ANKS1B: variants seen among roughly 807,000 people sequenced by gnomAD.
ANKS1B encodes the protein ankyrin repeat and sterile alpha motif domain-containing protein 1B.
ANKS1B carries 36 observed loss-of-function variants against 148.3 expected under a neutral mutation model. That is an observed-to-expected ratio of 0.24 (90% CI 0.19 to 0.32). ANKS1B has a LOEUF of 0.32. ANKS1B is among the 10% of genes least tolerant of loss of function. ANKS1B has a pLI of 1.00. For missense variants in ANKS1B, 1,157 were observed against 1,542.6 expected, an observed-to-expected ratio of 0.75 and a Z score of 4.19; for synonymous variants, 542 against 560.8, an observed-to-expected ratio of 0.97 and a Z score of 0.47.
rs185422297 is a variant in ANKS1B, at chr12:99,170,865, G to C, written c.2420-16470C>G. On this transcript the variant is annotated intron_variant, in intron 14 of 26. Transcript: ENST00000683438. ...GAGAAAAAGCAATGTGGGGCCAAGAGTGGCAAAGACAGGATGATTCTTATT... is the reference window on the plus strand; with the variant it reads ...GAGAAAAAGCAATGTGGGGCCAAGACTGGCAAAGACAGGATGATTCTTATT... 1.4e-3 allele frequency among the ~76,000 whole-genome samples: 214 copies of C among 152,292 alleles called. 2 individuals carry two copies. Among genetic ancestry groups the C allele is most frequent in the African/African-American group, 5.0e-3 (208 of 41,568 alleles).
At chr12:99,885,714 T>C (rs761913402) in intron 1 of ANKS1B, among the ~76,000 whole-genome samples, 1 of 152,096 alleles carries the variant, frequency 6.6e-6, no homozygotes, top group African/African-American at 2.4e-5. Context: ...GCAGTGTCCA[T>C]TGTATCCAGT....
intron 9 of ANKS1B, among the ~76,000 whole-genome samples, chr12:99,586,629 A>G (rs188602347): frequency 3.9e-4 from 59 of 152,172 alleles, no homozygotes; most frequent in African/African-American, 1.4e-3. Context: ...AATTTACTGT[A>G]TTAGTCTGTT....
chr12:98,815,410 T>C (rs1480761596), intron 19 of ANKS1B, among the ~76,000 whole-genome samples: 1 of 152,192 alleles, frequency 6.6e-6, no homozygotes, highest in Non-Finnish European at 1.5e-5. Flanking sequence ...CTTCCTGTTA[T>C]CTGAGCATCC....
chr12:99,734,558 T>G (rs1408568188), intron 8 of ANKS1B, among the ~76,000 whole-genome samples: 1 of 152,124 alleles, frequency 6.6e-6, no homozygotes, highest in African/African-American at 2.4e-5. Context: ...CCTCCCAAAG[T>G]GCTGGGATTA....
chr12:98,930,097 T>C (rs2099812423), intron 17 of ANKS1B, among the ~76,000 whole-genome samples: 1 of 152,064 alleles, frequency 6.6e-6, no homozygotes, highest in African/African-American at 2.4e-5. Flanking sequence ...CAATAAAAGA[T>C]AAGTGACCCA....
rs560925002 is a variant in ANKS1B at position 98,805,294 on chromosome 12, G to A, written c.3141+2550C>T. Among the ~76,000 whole-genome samples, 5 of 108,408 alleles carry A rather than the reference G, an allele frequency of 4.6e-5. No homozygotes were observed. In the East Asian group the frequency reaches 1.3e-3, roughly 29 times the overall value. The allele number at this position is 108,408 out of a possible 152,430, so 71.1% of individuals were successfully genotyped here. The stretch of plus-strand genomic sequence containing the variant: ...TGGTATTTATTATTATTTTTTATAT[G>A]TATGCTTAAGGCCTTTTTTTTTATT... On this transcript the variant is annotated intron_variant, in intron 20 of 26. Transcript: ENST00000683438.
At chr12:99,568,764 C>T (rs1417188316) in intron 9 of ANKS1B, among the ~76,000 whole-genome samples, 1 of 152,084 alleles carries the variant, frequency 6.6e-6, no homozygotes, top group Non-Finnish European at 1.5e-5. Context: ...TTTATCCTTG[C>T]AATTGTCAAA....
intron 17 of ANKS1B, among the ~76,000 whole-genome samples, chr12:98,874,846 T>C (rs960770827): frequency 1.3e-5 from 2 of 152,270 alleles, no homozygotes; most frequent in South Asian, 4.1e-4. Flanking sequence ...TGAACTGCAA[T>C]ACAGATATAA....
intron 8 of ANKS1B, among the ~76,000 whole-genome samples, chr12:99,673,332 T>G (rs1179782433): frequency 6.6e-6 from 1 of 152,104 alleles, no homozygotes; most frequent in Non-Finnish European, 1.5e-5. Flanking sequence ...CCTACTGTAC[T>G]AGCCAGGATT....
intron 12 of ANKS1B, among the ~76,000 whole-genome samples, chr12:99,257,905 A>C (rs964131635): frequency 6.6e-6 from 1 of 152,158 alleles, no homozygotes; most frequent in Non-Finnish European, 1.5e-5. Flanking sequence ...TGCACTCAGA[A>C]CAACAACAGC....
chr12:99,047,198 A>C (rs2099963066), intron 17 of ANKS1B, among the ~76,000 whole-genome samples: 1 of 152,062 alleles, frequency 6.6e-6, no homozygotes, highest in Non-Finnish European at 1.5e-5. Context: ...TCAGGAGTTC[A>C]AGACCAGCCT....
chr12:99,463,777 A>G (rs2096037917), intron 10 of ANKS1B, among the ~76,000 whole-genome samples: 1 of 152,216 alleles, frequency 6.6e-6, no homozygotes, highest in Non-Finnish European at 1.5e-5. Context: ...TAGGTAAACA[A>G]AGCAGCTGGG....
intron 19 of ANKS1B, among the ~76,000 whole-genome samples, chr12:98,818,111 C>T (rs1052466220): frequency 6.6e-6 from 1 of 151,944 alleles, no homozygotes; most frequent in African/African-American, 2.4e-5. Flanking sequence ...TTTCCAAACT[C>T]CCTTCCCTTT....
At chr12:99,850,987 T>A (rs2087733626) in intron 1 of ANKS1B, among the ~76,000 whole-genome samples, 1 of 152,130 alleles carries the variant, frequency 6.6e-6, no homozygotes, top group Non-Finnish European at 1.5e-5. Flanking sequence ...AAATCTGCAC[T>A]AATGGGGGAC....
At chr12:99,133,021 GT>G (rs61255520) in intron 15 of ANKS1B, among the ~76,000 whole-genome samples, 35,588 of 139,816 alleles carry the variant, frequency 0.25, 5,555 homozygotes, top group African/African-American at 0.44. Flanking sequence ...TGGCAACATG[GT>G]TTTTTTTTTT....
intron 10 of ANKS1B, among the ~76,000 whole-genome samples, chr12:99,489,777 TCCATTA>T (rs1319312249): frequency 6.6e-6 from 1 of 152,220 alleles, no homozygotes; most frequent in Non-Finnish European, 1.5e-5. Context: ...CTTTTAGCAT[TCCATTA>T]TTCTCTTTTT....
chr12:99,737,915 G>C (rs2059763279), intron 8 of ANKS1B, among the ~76,000 whole-genome samples: 1 of 152,030 alleles, frequency 6.6e-6, no homozygotes, highest in Admixed American at 6.6e-5. Context: ...TTAATCTACA[G>C]CCTCCAACTT....
chr12:99,808,770 C>T (rs970409819), intron 3 of ANKS1B, among the ~76,000 whole-genome samples: 1 of 152,080 alleles, frequency 6.6e-6, no homozygotes, highest in African/African-American at 2.4e-5. Context: ...TACAGTATCT[C>T]TTTGAGAAAA....
At chr12:99,536,225 G>A (rs1219166461) in intron 9 of ANKS1B, among the ~76,000 whole-genome samples, 1 of 152,158 alleles carries the variant, frequency 6.6e-6, no homozygotes, top group East Asian at 1.9e-4. Context: ...ACTATGAACT[G>A]AGGGTGATGA....
Sources: allele counts gnomAD v4.1 joint callset (sites outside exome capture counted in the v4.1 genomes callset), GRCh38; gene constraint gnomAD v4.1.1; transcripts MANE v1.5; gene names NCBI Gene and HGNC (gene_info 2026-07-23, HGNC 2026-07-21).